Variants in KIF16B observed in about 807,000 individuals in gnomAD.
KIF16B encodes kinesin-like protein KIF16B.
In KIF16B, 98 loss-of-function variants were observed where a neutral mutation model predicts 156.3. That is an observed-to-expected ratio of 0.63 (90% CI 0.53 to 0.74). KIF16B has a LOEUF of 0.74. KIF16B is among the 30% of genes least tolerant of loss of function. The probability of loss-of-function intolerance (pLI) is 0.00; values close to 1 mark genes in which losing one functional copy is unlikely to be tolerated. For synonymous variants in KIF16B, 564 were observed against 583.7 expected (o/e 0.97, Z 0.49); for missense variants, 1,421 against 1,606.5 (o/e 0.88, Z 1.97).
intron 1 of KIF16B, among the ~76,000 whole-genome samples, chr20:16,554,641 C>T (rs1053179323): frequency 6.6e-6 from 1 of 152,240 alleles, no homozygotes; most frequent in African/African-American, 2.4e-5. Context: ...AAACATGTCC[C>T]TTGCTCACCA....
At chr20:16,400,887 T>C (rs972404158) in intron 17 of KIF16B, among the ~76,000 whole-genome samples, 3 of 152,218 alleles carry the variant, frequency 2.0e-5, no homozygotes, top group African/African-American at 4.8e-5. Context: ...TACAGAGTTT[T>C]AGTTTGGCAA....
At chr20:16,279,031 A>G (rs892881547) in intron 25 of KIF16B, among the ~76,000 whole-genome samples, 1 of 152,182 alleles carries the variant, frequency 6.6e-6, no homozygotes, top group African/African-American at 2.4e-5. Context: ...GCTCTTCTAC[A>G]GGGAGCCAAG....
chr20:16,459,579 C>T (rs1421243241), intron 12 of KIF16B, among the ~76,000 whole-genome samples: 3 of 152,150 alleles, frequency 2.0e-5, no homozygotes, highest in African/African-American at 7.2e-5. Flanking sequence ...GGTGGGGCCT[C>T]TGAAGGCCAT....
At position 16,308,238 on chromosome 20, in the gene KIF16B, C is replaced by T. The variant is rs1472290647; in HGVS notation, c.3795+4097G>A. On this transcript the variant is annotated intron_variant, in intron 25 of 25. Coordinates refer to ENST00000354981, the MANE Select transcript of KIF16B (RefSeq NM_024704.5). ...AAACAAGATTATAAATAAAAGCCAT[C>T]GTTACTGCCATGGTTAGTTAAGAGA... is the stretch of plus-strand genomic sequence containing the variant. Among the ~76,000 whole-genome samples the T allele has an allele frequency of 2.6e-5, 4 of 152,152 alleles. 1 individual carries two copies. The East Asian group carries it at 5.8e-4, about 22-fold the overall frequency.
chr20:16,555,675 T>C (rs963145381), intron 1 of KIF16B, among the ~76,000 whole-genome samples: 5 of 152,066 alleles, frequency 3.3e-5, no homozygotes. Context: ...TATAGAAAAA[T>C]ACATCACCTT....
At chr20:16,487,656 A>T (rs2068161171) in intron 12 of KIF16B, among the ~76,000 whole-genome samples, 1 of 152,224 alleles carries the variant, frequency 6.6e-6, no homozygotes, top group South Asian at 2.1e-4. Context: ...TAAGCCGGAA[A>T]AGAATCCCAA....
intron 25 of KIF16B, among the ~76,000 whole-genome samples, chr20:16,281,917 A>T (rs2063151893): frequency 6.6e-6 from 1 of 152,032 alleles, no homozygotes; most frequent in Non-Finnish European, 1.5e-5. Context: ...TGTGCTGTGT[A>T]CTGACTCCCT....
intron 1 of KIF16B, among the ~76,000 whole-genome samples, chr20:16,552,182 T>C (rs1203989600): frequency 2.6e-5 from 4 of 152,192 alleles, no homozygotes; most frequent in Admixed American, 2.0e-4. Context: ...TGGCTCTGTC[T>C]GCATTTTCAA....
intron 12 of KIF16B, among the ~76,000 whole-genome samples, chr20:16,442,674 T>A (rs1367841647): frequency 6.6e-6 from 1 of 151,916 alleles, no homozygotes; most frequent in African/African-American, 2.4e-5. Context: ...AAAATTGGAG[T>A]AGGGTGGGAG....
intron 24 of KIF16B, among the ~76,000 whole-genome samples, chr20:16,325,147 C>A (rs1044466178): frequency 1.1e-4 from 16 of 151,894 alleles, no homozygotes. Flanking sequence ...AGAAGGGACA[C>A]ACCTTAAGTT....
At chr20:16,487,105 T>C (rs887300718) in intron 12 of KIF16B, among the ~76,000 whole-genome samples, 5 of 151,844 alleles carry the variant, frequency 3.3e-5, no homozygotes, top group African/African-American at 1.2e-4. Flanking sequence ...TACAAAAAAT[T>C]AGCTGGGCGT....
rs1390049203 is a variant in KIF16B, at chr20:16,515,647, G to A, written c.249C>T (p.Gly83=). ...VSQEMVFKTL[G]TDVVKSAFEG... ...CAAATGCAGACTTCACGACATCTGT[G>A]CCGAGGGTTTTGAAAACCTGAAAGC... The change falls in exon 4 of 26, where the codon GGC becomes GGT. Residue 83 remains glycine, a synonymous_variant. Transcript: ENST00000354981. 1 of 1,610,568 alleles carries A rather than the reference G, an allele frequency of 6.2e-7. No homozygotes were observed. The highest frequency in any genetic ancestry group is 1.7e-5 in the Admixed American group (1 of 59,862).
chr20:16,416,115 T>C (rs1013961634), intron 15 of KIF16B, among the ~76,000 whole-genome samples: 4 of 152,214 alleles, frequency 2.6e-5, no homozygotes, highest in African/African-American at 9.6e-5. Context: ...ATTAGACCTT[T>C]GTCAGATGAA....
At chr20:16,512,137 A>G (rs1006215312) in intron 5 of KIF16B, among the ~76,000 whole-genome samples, 2 of 151,272 alleles carry the variant, frequency 1.3e-5, no homozygotes, top group African/African-American at 4.9e-5. Flanking sequence ...ACAGAGTAAG[A>G]CTCCATCTCC....
intron 19 of KIF16B, among the ~76,000 whole-genome samples, chr20:16,377,337 A>G (rs900921374): frequency 3.9e-5 from 6 of 152,082 alleles, no homozygotes; most frequent in African/African-American, 1.2e-4. Context: ...AGGTGGGAGA[A>G]CTGCTTGAAC....
chr20:16,481,852 T>A (rs1423315042), intron 12 of KIF16B, among the ~76,000 whole-genome samples: 1 of 152,090 alleles, frequency 6.6e-6, no homozygotes, highest in Non-Finnish European at 1.5e-5. Flanking sequence ...TAAACAAAAT[T>A]AATAAGGAAA....
At chr20:16,354,453 C>T (rs1036731622) in intron 23 of KIF16B, among the ~76,000 whole-genome samples, 6 of 140,122 alleles carry the variant, frequency 4.3e-5, no homozygotes, top group African/African-American at 1.1e-4. Context: ...CATGTATAAT[C>T]ACATATATGT....
intron 24 of KIF16B, among the ~76,000 whole-genome samples, chr20:16,330,530 G>A (rs1223661905): frequency 6.6e-6 from 1 of 152,180 alleles, no homozygotes; most frequent in Non-Finnish European, 1.5e-5. Context: ...ACATGAACCA[G>A]AAGACATATA....
At chr20:16,513,755 C>T (rs1395936709) in intron 4 of KIF16B, among the ~76,000 whole-genome samples, 4 of 151,284 alleles carry the variant, frequency 2.6e-5, no homozygotes, top group Non-Finnish European at 5.9e-5. Context: ...TTTTAATACA[C>T]CATATTATTT....
Sources: allele counts gnomAD v4.1 joint callset (sites outside exome capture counted in the v4.1 genomes callset), GRCh38; gene constraint gnomAD v4.1.1; transcripts MANE v1.5; gene names NCBI Gene and HGNC (gene_info 2026-07-23, HGNC 2026-07-21).